Variants in PITPNM2 observed in about 807,000 individuals in gnomAD.
PITPNM2 encodes phosphatidylinositol transfer protein membrane associated 2.
Under a neutral mutation model 132.2 loss-of-function variants are expected in PITPNM2, and 35 were observed. The observed-to-expected ratio is 0.26, with a 90% CI of 0.20 to 0.35. The LOEUF (loss-of-function observed/expected upper bound fraction) is 0.35. PITPNM2 is among the 10% of genes least tolerant of loss of function. PITPNM2 has a pLI of 1.00. For synonymous variants in PITPNM2, 738 were observed against 799.2 expected, an observed-to-expected ratio of 0.92 and a Z score of 1.29; for missense variants, 1,332 against 1,912.0, an observed-to-expected ratio of 0.70 and a Z score of 5.66.
intron 2 of PITPNM2, among the ~76,000 whole-genome samples, chr12:123,098,369 C>G (rs1190491324): frequency 6.6e-6 from 1 of 152,052 alleles, no homozygotes; most frequent in Non-Finnish European, 1.5e-5. Flanking sequence ...TCAGGGACCA[C>G]CAGCCAGAGC....
At chr12:122,990,067 C>T in intron 17 of PITPNM2, 119 bp from the exon 18 acceptor site, 1 of 842,982 alleles carries the variant, frequency 1.2e-6, no homozygotes, top group Non-Finnish European at 1.6e-6. Context: ...AGGGCGAGCC[C>T]ATTGGCCCTC....
chr12:123,056,852 A>G (rs1253720923), intron 2 of PITPNM2, among the ~76,000 whole-genome samples: 1 of 151,962 alleles, frequency 6.6e-6, no homozygotes, highest in Non-Finnish European at 1.5e-5. Context: ...AGGTCCCTGC[A>G]GGACTTTGCA....
intron 2 of PITPNM2, among the ~76,000 whole-genome samples, chr12:123,040,568 T>A (rs1186667315): frequency 6.6e-6 from 1 of 152,196 alleles, no homozygotes; most frequent in Admixed American, 6.5e-5. Flanking sequence ...GAAATCTTTT[T>A]CCTCAGTTTA....
chr12:123,015,875 G>A (rs2039408158), intron 3 of PITPNM2, among the ~76,000 whole-genome samples: 1 of 152,152 alleles, frequency 6.6e-6, no homozygotes, highest in African/African-American at 2.4e-5. Flanking sequence ...CTTGTATCCA[G>A]AATATATAAA....
intron 1 of PITPNM2, among the ~76,000 whole-genome samples, chr12:123,138,715 G>C (rs1485781503): frequency 6.6e-6 from 1 of 152,182 alleles, no homozygotes; most frequent in Admixed American, 6.5e-5. Context: ...AATGGGTGTA[G>C]GGTCTCCTTC....
intron 2 of PITPNM2, among the ~76,000 whole-genome samples, chr12:123,049,053 G>A (rs1367759672): frequency 1.3e-5 from 2 of 152,114 alleles, no homozygotes; most frequent in African/African-American, 4.8e-5. Flanking sequence ...AGGATCTCTT[G>A]AGCCCAGGAG....
chr12:123,151,366 C>T (rs1196965562), upstream of PITPNM2, among the ~76,000 whole-genome samples: 1 of 152,052 alleles, frequency 6.6e-6, no homozygotes, highest in African/African-American at 2.4e-5. Flanking sequence ...CCGGGCTCCT[C>T]GCCCACCGTC....
rs11061603 is a variant in PITPNM2, at chr12:123,079,074, G to T, written c.-96+31311C>A. Among the ~76,000 whole-genome samples, 124 of 152,306 alleles carry T rather than the reference G, an allele frequency of 8.1e-4. 1 individual carries two copies. Among genetic ancestry groups the T allele is most frequent in the African/African-American group, 2.8e-3 (115 of 41,568 alleles). ...GCACTCAGACGTGGCAGGACTTGGG[G>T]AAGGCTCAGGGCAGGCACTAGTGCT... On this transcript the variant is annotated intron_variant, in intron 2 of 25. Transcript: ENST00000320201.
intron 1 of PITPNM2, among the ~76,000 whole-genome samples, chr12:123,115,430 G>C (rs2042917673): frequency 6.6e-6 from 1 of 152,140 alleles, no homozygotes; most frequent in Admixed American, 6.5e-5. Context: ...CAAAAGCAGA[G>C]CCCAAAGAAC....
In PITPNM2 at chr12:122,984,945, G is replaced by T. The variant is rs1282586468; in HGVS notation, c.*1082C>A. 6.6e-6 allele frequency: 1 copy of T among 152,290 alleles called. No homozygotes were observed. Among genetic ancestry groups the T allele is most frequent in the Non-Finnish European group, 1.5e-5 (1 of 68,048 alleles). 9.4% of individuals were successfully genotyped at this position (152,290 alleles called of 1,614,324 possible). A position where few individuals can be genotyped will look rare whatever the true frequency, so the allele number is the denominator to read the frequency against. On this transcript the variant is annotated 3_prime_UTR_variant, in exon 26 of 26. Coordinates refer to ENST00000320201, the MANE Select transcript of PITPNM2 (RefSeq NM_020845.3). ...TGCCCTGAAGCTGACAAAGCAAGTT[G>T]TGGCTTCTTAGATTCGGCATGAAAA...
intron 3 of PITPNM2, among the ~76,000 whole-genome samples, chr12:123,019,053 G>A (rs2039565004): frequency 6.6e-6 from 1 of 152,112 alleles, no homozygotes; most frequent in Admixed American, 6.5e-5. Flanking sequence ...CAAAGTGCTG[G>A]GATTACAGGA....
chr12:123,057,294 C>A (rs990942202), intron 2 of PITPNM2, among the ~76,000 whole-genome samples: 1 of 151,142 alleles, frequency 6.6e-6, no homozygotes. Flanking sequence ...GCAGGAGAAT[C>A]GCTTGAACCC....
In PITPNM2 at chr12:122,992,494, C is replaced by CTCACCCAGCAGCGTGGAGCAGCCA. The variant is rs1218130674; in HGVS notation, c.2385_2404+4dup. 6.2e-7 allele frequency: 1 copy of CTCACCCAGCAGCGTGGAGCAGCCA among 1,608,692 alleles called. No individual in the cohort carries two copies. Among genetic ancestry groups the CTCACCCAGCAGCGTGGAGCAGCCA allele is most frequent in the African/African-American group, 1.3e-5 (1 of 74,706 alleles). ...CAGAGGAGTGGGGCGGAATGTGCCT[C>CTCACCCAGCAGCGTGGAGCAGCCA]TCACCCAGCAGCGTGGAGCAGCCAT... On this transcript the variant is annotated splice_donor_region_variant and intron_variant, in intron 16 of 25. Coordinates refer to ENST00000320201, the MANE Select transcript of PITPNM2 (RefSeq NM_020845.3). The surrounding 1 kb of genome is among the most constrained non-coding windows in gnomAD (Gnocchi z 6.5).
chr12:123,120,299 T>G (rs944166875), intron 1 of PITPNM2, among the ~76,000 whole-genome samples: 1 of 152,124 alleles, frequency 6.6e-6, no homozygotes, highest in African/African-American at 2.4e-5. Flanking sequence ...AATCTGTGTT[T>G]TGGCTGTGAA....
Position 123,150,230 on chromosome 12 carries a change from C to A in PITPNM2, c.-200+523G>T, listed in dbSNP as rs2043701001. Among the ~76,000 whole-genome samples, 2 of 151,962 alleles carry A rather than the reference C, an allele frequency of 1.3e-5. No individual in the cohort carries two copies. The highest frequency in any genetic ancestry group is 4.1e-4 in the South Asian group (2 of 4,822). On this transcript the variant is annotated intron_variant, in intron 1 of 25. Coordinates refer to ENST00000320201, the MANE Select transcript of PITPNM2 (RefSeq NM_020845.3). The surrounding 1 kb of genome is among the most constrained non-coding windows in gnomAD (Gnocchi z 6.0). ...ACAGAGCCGGCACCCCATTACCACA[C>A]GAAGGGGGCACTGAGGATGGAGACG...
chr12:122,984,186 T>C lies in PITPNM2; in HGVS notation c.*1841A>G, dbSNP rs67306085. Reference sequence around the variant, plus strand: ...GGGAGCTGCCCCCCTGGGGAGAGGCTGAGCCCACTGCCCACAGGGCCTCCC... The same window carrying C: ...GGGAGCTGCCCCCCTGGGGAGAGGCCGAGCCCACTGCCCACAGGGCCTCCC... On this transcript the variant is annotated 3_prime_UTR_variant, in exon 26 of 26. Coordinates refer to ENST00000320201, the MANE Select transcript of PITPNM2 (RefSeq NM_020845.3). The C allele has an allele frequency of 0.014, 2,161 of 152,806 alleles. 19 individuals are homozygous for C. Among genetic ancestry groups the C allele is most frequent in the Non-Finnish European group, 0.025 (1,691 of 68,176 alleles). 9.5% of individuals were successfully genotyped at this position (152,806 alleles called of 1,614,324 possible). A position where few individuals can be genotyped will look rare whatever the true frequency, so the allele number is the denominator to read the frequency against.
Position 123,064,677 on chromosome 12 carries a change from C to T in PITPNM2, c.-95-29992G>A, listed in dbSNP as rs964110488. ...TGGGAAGTGAGGAGGCACTGAACAG[C>T]CCCAAATACAACAGCAGGAACAGGA... is the stretch of plus-strand genomic sequence containing the variant. On this transcript the variant is annotated intron_variant, in intron 2 of 25. Coordinates refer to ENST00000320201, the MANE Select transcript of PITPNM2 (RefSeq NM_020845.3). The surrounding 1 kb of genome is among the most constrained non-coding windows in gnomAD (Gnocchi z 4.0). Among the ~76,000 whole-genome samples, 4 of 152,152 alleles carry T rather than the reference C, an allele frequency of 2.6e-5. No homozygotes were observed. Among genetic ancestry groups the T allele is most frequent in the African/African-American group, 4.8e-5 (2 of 41,416 alleles).
chr12:123,093,374 C>T lies in PITPNM2; in HGVS notation c.-96+17011G>A, dbSNP rs545763704. On this transcript the variant is annotated intron_variant, in intron 2 of 25. Coordinates refer to ENST00000320201, the MANE Select transcript of PITPNM2 (RefSeq NM_020845.3). ...GGTGTTCATTATACAACTCTGTGAA[C>T]ATACTAGAAACCATTGAATTGTACA... Among the ~76,000 whole-genome samples, 27 of 152,130 alleles carry T rather than the reference C, an allele frequency of 1.8e-4. No individual in the cohort carries two copies. The South Asian group carries it at 2.7e-3, about 15-fold the overall frequency.
intron 2 of PITPNM2, among the ~76,000 whole-genome samples, chr12:123,079,303 G>A (rs1163230806): frequency 3.4e-5 from 5 of 148,226 alleles, no homozygotes; most frequent in South Asian, 4.3e-4. Context: ...CAATCCCATC[G>A]CTTTCTCCCT....
Sources: allele counts gnomAD v4.1 joint callset (sites outside exome capture counted in the v4.1 genomes callset), GRCh38; gene constraint gnomAD v4.1.1; non-coding constraint Gnocchi (gnomAD v3.1); transcripts MANE v1.5; gene names NCBI Gene and HGNC (gene_info 2026-07-23, HGNC 2026-07-21).